Variants in CTXND1 observed in about 807,000 individuals in gnomAD.
CTXND1 encodes cortexin domain containing 1.
chr15:80,231,884 A>G (rs762021755), intron 1 of CTXND1, among the ~76,000 whole-genome samples: 1 of 152,218 alleles, frequency 6.6e-6, no homozygotes, highest in African/African-American at 2.4e-5. Flanking sequence ...AGGTTTTTCC[A>G]TTCACGGTAT....
chr15:80,220,099 CATCTATCTATCT>C (rs3974511), intron 1 of CTXND1, among the ~76,000 whole-genome samples: 4,988 of 146,610 alleles, frequency 0.034, 126 homozygotes, highest in Non-Finnish European at 0.047. Flanking sequence ...AATATACTCT[CATCTATCTATCT>C]ATCTATCTAT....
intron 1 of CTXND1, among the ~76,000 whole-genome samples, chr15:80,238,526 C>T (rs1203181800): frequency 6.6e-6 from 1 of 150,382 alleles, no homozygotes; most frequent in Non-Finnish European, 1.5e-5. Flanking sequence ...GCTCTGTTGC[C>T]CAGGCTGGAG....
At chr15:80,240,207 C>T (rs911338053) in intron 1 of CTXND1, among the ~76,000 whole-genome samples, 4 of 152,256 alleles carry the variant, frequency 2.6e-5, no homozygotes, top group Admixed American at 6.5e-5. Context: ...TCAGGTGATC[C>T]GCCTGCCTCG....
At position 80,240,939 on chromosome 15, in the gene CTXND1, G is replaced by C. The variant is rs149700484; in HGVS notation, c.-218+11068C>G. ...TTCATCCTGCTCTGTGCCAGGCTGT[G>C]AGGGGGACCCACTCGGGAGACAAGT... On this transcript the variant is annotated intron_variant, in intron 1 of 2. Transcript: ENST00000560778. Among the ~76,000 whole-genome samples the C allele has an allele frequency of 2.8e-4, 42 of 152,322 alleles. No homozygotes were observed. The East Asian group carries it at 7.1e-3, about 26-fold the overall frequency.
intron 1 of CTXND1, among the ~76,000 whole-genome samples, chr15:80,223,830 C>A (rs1171152524): frequency 6.6e-6 from 1 of 150,994 alleles, no homozygotes; most frequent in Non-Finnish European, 1.5e-5. Context: ...AAAAAAATAC[C>A]CAAAACAAAA....
chr15:80,236,665 C>T (rs1348234213), intron 1 of CTXND1, among the ~76,000 whole-genome samples: 2 of 152,002 alleles, frequency 1.3e-5, no homozygotes, highest in Non-Finnish European at 2.9e-5. Flanking sequence ...CACCTGTAGT[C>T]CTAGCTACTT....
intron 1 of CTXND1, among the ~76,000 whole-genome samples, chr15:80,247,051 A>T (rs1471722473): frequency 6.6e-6 from 1 of 152,112 alleles, no homozygotes; most frequent in Admixed American, 6.5e-5. Flanking sequence ...CATTTTACCC[A>T]TGAGAAAATT....
chr15:80,196,045 T>A lies in CTXND1; in HGVS notation c.*5725A>T, dbSNP rs1358865501. 6.6e-6 allele frequency: 1 copy of A among 152,130 alleles called. No homozygotes were observed. The highest frequency in any genetic ancestry group is 2.1e-4 in the South Asian group (1 of 4,818). The allele number at this position is 152,130 out of a possible 1,614,324, so 9.4% of individuals were successfully genotyped here. ...GGAAAGTGGGGTTTCTGCTACACAATAGGGGCAAGGAGTACTAGCTTTGGA... is the reference window on the plus strand; with the variant it reads ...GGAAAGTGGGGTTTCTGCTACACAAAAGGGGCAAGGAGTACTAGCTTTGGA... On this transcript the variant is annotated 3_prime_UTR_variant, in exon 3 of 3. Coordinates refer to ENST00000560778, the MANE Select transcript of CTXND1 (RefSeq NM_001352888.2).
At chr15:80,239,748 A>G (rs528817481) in intron 1 of CTXND1, among the ~76,000 whole-genome samples, 1 of 152,234 alleles carries the variant, frequency 6.6e-6, no homozygotes, top group East Asian at 1.9e-4. Context: ...ACAGCTCCCC[A>G]TTGTCCACAG....
At chr15:80,239,526 T>C (rs888460860) in intron 1 of CTXND1, among the ~76,000 whole-genome samples, 4 of 152,340 alleles carry the variant, frequency 2.6e-5, no homozygotes, top group Middle Eastern at 3.4e-3. Flanking sequence ...TGCCTACATC[T>C]TTCTCCCATG....
chr15:80,196,764 C>T lies in CTXND1; in HGVS notation c.*5006G>A, dbSNP rs568655645. The stretch of plus-strand genomic sequence containing the variant: ...GCTCCAGTGTGCTGCCTATGTGGAC[C>T]GTATCACCCAGGGTCCCCTGACCTT... On this transcript the variant is annotated 3_prime_UTR_variant, in exon 3 of 3. Transcript: ENST00000560778. 7 of 152,274 alleles carry T rather than the reference C, an allele frequency of 4.6e-5. No homozygotes were observed. Among genetic ancestry groups the T allele is most frequent in the East Asian group, 1.9e-4 (1 of 5,192 alleles). The allele number at this position is 152,274 out of a possible 1,614,324, so 9.4% of individuals were successfully genotyped here.
At chr15:80,226,555 G>A (rs1355204840) in intron 1 of CTXND1, among the ~76,000 whole-genome samples, 1 of 152,140 alleles carries the variant, frequency 6.6e-6, no homozygotes, top group Non-Finnish European at 1.5e-5. Context: ...GTGGCAACGA[G>A]AAAGCCTTTC....
chr15:80,235,557 G>T (rs1433654890), intron 1 of CTXND1, among the ~76,000 whole-genome samples: 3 of 152,194 alleles, frequency 2.0e-5, no homozygotes, highest in African/African-American at 4.8e-5. Context: ...GACTGCAGGG[G>T]AAATCAAGTC....
rs8038665 is a variant in CTXND1, at chr15:80,249,779, C to A, written c.-218+2228G>T. On this transcript the variant is annotated intron_variant, in intron 1 of 2. Transcript: ENST00000560778. ...AAACACACAAATTCCCATTCGCTGA[C>A]TCTCTGATTGTAGAAAGCATGTAAT... 7.6e-3 allele frequency among the ~76,000 whole-genome samples: 1,157 copies of A among 152,364 alleles called. 15 individuals carry two copies. The highest frequency in any genetic ancestry group is 0.027 in the African/African-American group (1,110 of 41,580).
At chr15:80,250,785 C>T (rs1311325633) in intron 1 of CTXND1, among the ~76,000 whole-genome samples, 1 of 152,186 alleles carries the variant, frequency 6.6e-6, no homozygotes, top group African/African-American at 2.4e-5. Context: ...TATAAATCAC[C>T]TTTAAAGCCT....
intron 1 of CTXND1, among the ~76,000 whole-genome samples, chr15:80,227,992 T>G (rs1893390650): frequency 6.6e-6 from 1 of 152,254 alleles, no homozygotes; most frequent in Non-Finnish European, 1.5e-5. Flanking sequence ...TCTCAAACTC[T>G]GCTGCTGCTT....
At chr15:80,204,199 T>TACAC (rs1555443875) in intron 1 of CTXND1, among the ~76,000 whole-genome samples, 4 of 26,800 alleles carry the variant, frequency 1.5e-4, no homozygotes, top group African/African-American at 5.5e-4. Context: ...TATATATATA[T>TACAC]ACACAAACAC....
intron 1 of CTXND1, among the ~76,000 whole-genome samples, chr15:80,231,791 A>C (rs1866669459): frequency 6.6e-6 from 1 of 152,184 alleles, no homozygotes; most frequent in Admixed American, 6.5e-5. Flanking sequence ...TTTATTAAAA[A>C]ATTTTCCATC....
At chr15:80,231,517 C>T (rs924907697) in intron 1 of CTXND1, among the ~76,000 whole-genome samples, 2 of 152,102 alleles carry the variant, frequency 1.3e-5, no homozygotes, top group African/African-American at 4.8e-5. Flanking sequence ...TAAGCCAACT[C>T]CTCTAAATTG....
Sources: gnomAD v4.1 joint callset for allele counts (sites outside exome capture counted in the v4.1 genomes callset) on GRCh38, gnomAD v4.1.1 for gene constraint, MANE v1.5 for transcripts, NCBI Gene and HGNC (gene_info 2026-07-23, HGNC 2026-07-21) for gene names.